VIPR2: variants seen among roughly 807,000 people sequenced by gnomAD.
The protein encoded by VIPR2 is vasoactive intestinal polypeptide receptor 2.
A neutral mutation model predicts 58.0 loss-of-function variants in VIPR2; 48 were observed. That is an observed-to-expected ratio of 0.83 (90% CI 0.66 to 1.05). VIPR2 has a LOEUF of 1.05. Among genes scored for constraint, VIPR2 ranks in the 50% least tolerant of loss-of-function variants. The probability of loss-of-function intolerance (pLI) is 0.00; values close to 1 mark genes in which losing one functional copy is unlikely to be tolerated. For missense variants in VIPR2, 534 were observed against 558.0 expected (o/e 0.96, Z 0.43); for synonymous variants, 243 against 235.2 (o/e 1.03, Z -0.30).
intron 4 of VIPR2, among the ~76,000 whole-genome samples, chr7:159,081,779 AC>A (rs1856917166): frequency 6.6e-6 from 1 of 152,228 alleles, no homozygotes; most frequent in African/African-American, 2.4e-5. Flanking sequence ...CAAGAAAAAA[AC>A]AACCCCATCA....
Position 159,074,545 on chromosome 7 carries a change from T to C in VIPR2, c.358-15967A>G, listed in dbSNP as rs190175734. ...ACCAGACAAGGAATCGGCTGCACCT[T>C]GATCTGGGACTTTGTAGCCTCCAAA... On this transcript the variant is annotated intron_variant, in intron 4 of 12. Coordinates refer to ENST00000262178, the MANE Select transcript of VIPR2 (RefSeq NM_003382.5). Among the ~76,000 whole-genome samples, 624 of 152,316 alleles carry C rather than the reference T, an allele frequency of 4.1e-3. 8 individuals are homozygous for C. Among genetic ancestry groups the C allele is most frequent in the African/African-American group, 0.014 (599 of 41,576 alleles).
intron 2 of VIPR2, among the ~76,000 whole-genome samples, chr7:159,122,858 T>C (rs2129496940): frequency 6.6e-6 from 1 of 152,322 alleles, no homozygotes; most frequent in Middle Eastern, 3.4e-3. Context: ...ACTTTTATTT[T>C]AGGTTCTGGG....
chr7:159,121,978 G>C (rs1186412509), intron 2 of VIPR2, among the ~76,000 whole-genome samples: 1 of 152,230 alleles, frequency 6.6e-6, no homozygotes, highest in African/African-American at 2.4e-5. Context: ...ACGAATCATT[G>C]ACAGATACAA....
intron 8 of VIPR2, chr7:159,035,738 C>T: frequency 1.0e-6 from 1 of 985,476 alleles, no homozygotes; most frequent in Non-Finnish European, 1.2e-6. Context: ...CAAAACCTGG[C>T]TCACTTCCTG....
chr7:159,032,031 CA>C lies in VIPR2; in HGVS notation c.1007del (p.Leu336ArgfsTer43), dbSNP rs1241605732. ...CAAACACCATGTAGTGGACGCCGAACAGCGGGATAAGCAGGAGCGTGGACTT... is the reference window on the plus strand; with the variant it reads ...CAAACACCATGTAGTGGACGCCGAACGCGGGATAAGCAGGAGCGTGGACTT... Reference protein sequence around the residue: ...LAKSTLLLIPLFGVHYMVFAV... With the variant: ...LAKSTLLLIPXFGVHYMVFAV... On this transcript the variant is annotated frameshift_variant, in exon 11 of 13. Transcript: ENST00000262178. LOFTEE classifies it high-confidence loss of function. The C allele has an allele frequency of 6.2e-7, 1 of 1,614,102 alleles. No homozygotes were observed. The highest frequency in any genetic ancestry group is 8.5e-7 in the Non-Finnish European group (1 of 1,180,032).
Position 159,030,624 on chromosome 7 carries a change from C to T in VIPR2, c.1309G>A (p.Val437Ile), listed in dbSNP as rs982823314. The change falls in exon 13 of 13, where the codon GTC becomes ATC. Residue 437 changes from valine (V) to isoleucine (I), a missense_variant. Val to Ile is a conservative substitution (Grantham distance 29, BLOSUM62 3). This residue lies in a region of VIPR2 where 306 missense variants were observed against 285.8 expected (regional missense o/e 1.07). Transcript: ENST00000262178. Reference protein sequence around the residue: ...AQSFLQTETSVI With the variant: ...AQSFLQTETSII ...GACAGGCAGGGGTGGGGCTAGATGA[C>T]CGAGGTCTCCGTTTGCAGGAAGGAC... 6 of 1,545,658 alleles carry T rather than the reference C, an allele frequency of 3.9e-6. 1 individual carries two copies.
At chr7:159,138,952 A>T (rs1181676417) in intron 2 of VIPR2, among the ~76,000 whole-genome samples, 1 of 152,214 alleles carries the variant, frequency 6.6e-6, no homozygotes, top group Non-Finnish European at 1.5e-5. Flanking sequence ...GAGACTTGGG[A>T]GAAGCAGCAG....
chr7:159,132,851 C>CAGATTGATTTTAGA lies in VIPR2; in HGVS notation c.151+9594_151+9595insTCTAAAATCAATCT, dbSNP rs1563355242. Among the ~76,000 whole-genome samples the CAGATTGATTTTAGA allele has an allele frequency of 2.0e-4, 25 of 122,308 alleles. 2 individuals carry two copies. The East Asian group carries it at 4.5e-3, about 22-fold the overall frequency. 80.2% of individuals were successfully genotyped at this position (122,308 alleles called of 152,430 possible). ...GATTTGAGACAGAATGATTGGCATA[C>CAGATTGATTTTAGA]CGATTGATTTTAGACAGAATGATTG... On this transcript the variant is annotated intron_variant, in intron 2 of 12. Transcript: ENST00000262178.
At chr7:159,116,692 G>C (rs931039165) in intron 2 of VIPR2, among the ~76,000 whole-genome samples, 1 of 151,856 alleles carries the variant, frequency 6.6e-6, no homozygotes, top group Non-Finnish European at 1.5e-5. Flanking sequence ...GTTTGGGAAA[G>C]GCTGCTGCTT....
At chr7:159,129,824 C>T (rs1479106850) in intron 2 of VIPR2, among the ~76,000 whole-genome samples, 2 of 114,476 alleles carry the variant, frequency 1.7e-5, no homozygotes, top group African/African-American at 8.8e-5. Flanking sequence ...CACTCTGTTC[C>T]CTCAAACTGG....
chr7:159,094,694 AG>A (rs1227304729), intron 4 of VIPR2, among the ~76,000 whole-genome samples: 1 of 152,238 alleles, frequency 6.6e-6, no homozygotes, highest in East Asian at 1.9e-4. Context: ...CACGGCTGTG[AG>A]GCAGACAGCC....
chr7:159,060,989 C>G (rs1441848326), intron 4 of VIPR2, among the ~76,000 whole-genome samples: 3 of 152,208 alleles, frequency 2.0e-5, no homozygotes, highest in Admixed American at 1.3e-4. Flanking sequence ...CAATACGTCT[C>G]CATCAAAGGT....
intron 6 of VIPR2, among the ~76,000 whole-genome samples, chr7:159,041,865 C>A (rs1854367688): frequency 6.6e-6 from 1 of 151,966 alleles, no homozygotes; most frequent in Non-Finnish European, 1.5e-5. Flanking sequence ...GAGAGAGAAT[C>A]CGACACCATC....
intron 7 of VIPR2, 108 bp from the exon 8 acceptor site, chr7:159,036,120 T>C (rs957115892): frequency 3.1e-6 from 4 of 1,280,934 alleles, no homozygotes; most frequent in Non-Finnish European, 4.2e-6. Flanking sequence ...CACGGGAATA[T>C]TAAGTGCAAT....
chr7:159,050,792 CAAG>C (rs57447679), intron 5 of VIPR2, among the ~76,000 whole-genome samples: 108,636 of 151,654 alleles, frequency 0.72, 39,885 homozygotes, highest in Middle Eastern at 0.81. Flanking sequence ...CTACAAACCC[CAAG>C]AAGGAGAAAT....
chr7:159,136,779 G>A (rs1236174280), intron 2 of VIPR2, among the ~76,000 whole-genome samples: 1 of 152,114 alleles, frequency 6.6e-6, no homozygotes, highest in Non-Finnish European at 1.5e-5. Flanking sequence ...ATGTGAAATG[G>A]GTATATAAAT....
Position 159,127,926 on chromosome 7 carries a change from C to T in VIPR2, c.151+14520G>A, listed in dbSNP as rs1224873205. On this transcript the variant is annotated intron_variant, in intron 2 of 12. Transcript: ENST00000262178. The surrounding 1 kb of genome is among the most constrained non-coding windows in gnomAD (Gnocchi z 4.6). Reference sequence around the variant, plus strand: ...AGGCCTCAAGGCACGGGGAGTCCTGCCGTGCTATTCCAAGGACAATCTTCC... The same window carrying T: ...AGGCCTCAAGGCACGGGGAGTCCTGTCGTGCTATTCCAAGGACAATCTTCC... 2.0e-5 allele frequency among the ~76,000 whole-genome samples: 3 copies of T among 152,144 alleles called. No individual in the cohort carries two copies. The highest frequency in any genetic ancestry group is 2.9e-5 in the Non-Finnish European group (2 of 68,014).
intron 4 of VIPR2, among the ~76,000 whole-genome samples, chr7:159,090,589 G>A (rs113868534): frequency 0.014 from 903 of 65,682 alleles, 13 homozygotes; most frequent in African/African-American, 0.058. Context: ...CACAATCCCC[G>A]GTGACCTCAG....
At chr7:159,058,040 T>C (rs1033354033) in intron 5 of VIPR2, among the ~76,000 whole-genome samples, 1 of 152,202 alleles carries the variant, frequency 6.6e-6, no homozygotes, top group Non-Finnish European at 1.5e-5. Context: ...AGTTAAGTAC[T>C]TTGTCCAAGG....
Sources: gnomAD v4.1 joint callset for allele counts (sites outside exome capture counted in the v4.1 genomes callset) on GRCh38, gnomAD v4.1.1 for gene constraint, gnomAD v4.1.1 regional missense constraint, Gnocchi (gnomAD v3.1) non-coding constraint, MANE v1.5 for transcripts, NCBI Gene and HGNC (gene_info 2026-07-23, HGNC 2026-07-21) for gene names.